The following ADAM23 variants were observed in gnomAD, a reference collection of about 807,000 sequenced individuals.
The protein encoded by ADAM23 is ADAM metallopeptidase domain 23.
ADAM23 carries 33 observed loss-of-function variants against 120.1 expected under a neutral mutation model. The observed-to-expected ratio is 0.27, with a 90% CI of 0.21 to 0.37. The LOEUF (loss-of-function observed/expected upper bound fraction) is 0.37, where lower values mean the gene tolerates loss of function less well. Among genes scored for constraint, ADAM23 ranks in the 10% least tolerant of loss-of-function variants. The probability of loss-of-function intolerance (pLI) is 1.00; values close to 1 mark genes in which losing one functional copy is unlikely to be tolerated. For synonymous variants in ADAM23, 367 were observed against 375.2 expected (o/e 0.98, Z 0.25); for missense variants, 862 against 1,058.2 (o/e 0.81, Z 2.57).
chr2:206,572,296 C>T (rs1698017109), intron 17 of ADAM23, among the ~76,000 whole-genome samples: 1 of 152,130 alleles, frequency 6.6e-6, no homozygotes. Flanking sequence ...TATGAATGCA[C>T]ACTCATATGT....
chr2:206,578,426 A>G (rs947111603), intron 18 of ADAM23, among the ~76,000 whole-genome samples: 2 of 151,680 alleles, frequency 1.3e-5, no homozygotes, highest in African/African-American at 4.9e-5. Context: ...TAGCTACCAC[A>G]TATCAGCGAG....
intron 10 of ADAM23, among the ~76,000 whole-genome samples, 168 bp downstream of exon 10, chr2:206,557,666 G>A (rs1486007871): frequency 6.6e-6 from 1 of 152,220 alleles, no homozygotes; most frequent in Non-Finnish European, 1.5e-5. Context: ...TGCTCTGAGA[G>A]TTTCAGATGA....
intron 6 of ADAM23, among the ~76,000 whole-genome samples, chr2:206,546,712 A>T (rs1472282642): frequency 6.6e-6 from 1 of 152,178 alleles, no homozygotes; most frequent in Admixed American, 6.5e-5. Context: ...ACAATGATGT[A>T]TCTCCCTGAG....
At chr2:206,552,036 C>T (rs1403518351) in intron 9 of ADAM23, among the ~76,000 whole-genome samples, 1 of 152,068 alleles carries the variant, frequency 6.6e-6, no homozygotes, top group African/African-American at 2.4e-5. Context: ...GTTTTTTTAT[C>T]TGAATTATTT....
rs140336696 is a variant in ADAM23 at position 206,566,316 on chromosome 2, A to G, written c.1395-907A>G. Reference sequence around the variant, plus strand: ...ATTTTTCTAAGAGGTTCCTATCAACAGTGGCAGGTTTCACCTACTTCTGTA... The same window carrying G: ...ATTTTTCTAAGAGGTTCCTATCAACGGTGGCAGGTTTCACCTACTTCTGTA... On this transcript the variant is annotated intron_variant, in intron 14 of 25. Transcript: ENST00000264377. Among the ~76,000 whole-genome samples the G allele has an allele frequency of 3.7e-3, 557 of 152,100 alleles. 6 individuals are homozygous for G. Among genetic ancestry groups the G allele is most frequent in the African/African-American group, 0.013 (526 of 41,516 alleles).
chr2:206,466,775 A>G (rs1445534511), intron 2 of ADAM23, among the ~76,000 whole-genome samples: 1 of 152,236 alleles, frequency 6.6e-6, no homozygotes, highest in Non-Finnish European at 1.5e-5. Flanking sequence ...TTAAACAACT[A>G]AATCTCATGA....
chr2:206,566,006 C>T (rs1196700166), intron 14 of ADAM23, among the ~76,000 whole-genome samples: 4 of 151,976 alleles, frequency 2.6e-5, no homozygotes, highest in Non-Finnish European at 5.9e-5. Flanking sequence ...AAACGTGAAA[C>T]CCTTAGCTTC....
intron 15 of ADAM23, among the ~76,000 whole-genome samples, chr2:206,569,322 A>G (rs1467924194): frequency 6.6e-6 from 1 of 152,190 alleles, no homozygotes; most frequent in African/African-American, 2.4e-5. Flanking sequence ...TAAATCATCT[A>G]TTTTTTAAAA....
intron 24 of ADAM23, among the ~76,000 whole-genome samples, chr2:206,609,221 C>CTATT (rs1559288275): frequency 6.6e-6 from 1 of 152,186 alleles, no homozygotes; most frequent in Non-Finnish European, 1.5e-5. Flanking sequence ...AACTTTAAAG[C>CTATT]TATTCTCAGT....
At chr2:206,474,926 C>CTAT (rs959745383) in intron 2 of ADAM23, among the ~76,000 whole-genome samples, 14 of 152,182 alleles carry the variant, frequency 9.2e-5, no homozygotes, top group Non-Finnish European at 2.1e-4. Context: ...TGTTGTTAAG[C>CTAT]TATTATTATT....
chr2:206,449,772 A>C (rs1695154433), intron 2 of ADAM23, among the ~76,000 whole-genome samples: 1 of 152,118 alleles, frequency 6.6e-6, no homozygotes, highest in Admixed American at 6.5e-5. Context: ...AAAAACAAAC[A>C]AACAAAAAAC....
Position 206,526,773 on chromosome 2 carries a change from C to T in ADAM23, c.510-4112C>T, listed in dbSNP as rs1230056268. ...ACAGCATTATTTCTGCCACAGTTCCCTTCATTGACCTGATTCTTGGCTCAT... is the reference window on the plus strand; with the variant it reads ...ACAGCATTATTTCTGCCACAGTTCCTTTCATTGACCTGATTCTTGGCTCAT... On this transcript the variant is annotated intron_variant, in intron 3 of 25. Transcript: ENST00000264377. Among the ~76,000 whole-genome samples, 4 of 152,218 alleles carry T rather than the reference C, an allele frequency of 2.6e-5. No homozygotes were observed. The East Asian group carries it at 7.7e-4, about 29-fold the overall frequency.
chr2:206,445,702 G>A (rs1695070247), intron 2 of ADAM23, among the ~76,000 whole-genome samples, 178 bp downstream of exon 2: 1 of 152,188 alleles, frequency 6.6e-6, no homozygotes, highest in Admixed American at 6.5e-5. Context: ...GGATAAGACT[G>A]TTGTTTCTCT....
intron 2 of ADAM23, among the ~76,000 whole-genome samples, chr2:206,470,311 G>GA (rs895220240): frequency 1.5e-4 from 23 of 149,984 alleles, no homozygotes; most frequent in Admixed American, 4.0e-4. Flanking sequence ...TTCACATTTA[G>GA]AAAAAAAAAT....
intron 3 of ADAM23, among the ~76,000 whole-genome samples, chr2:206,521,330 C>T (rs1265898021): frequency 2.0e-5 from 3 of 151,640 alleles, no homozygotes; most frequent in Non-Finnish European, 4.4e-5. Flanking sequence ...CTGCTGCTCC[C>T]TGCATGGTAG....
chr2:206,610,083 A>G, intron 25 of ADAM23, 83 bp downstream of exon 25: 1 of 1,249,594 alleles, frequency 8.0e-7, no homozygotes, highest in Non-Finnish European at 1.1e-6. Flanking sequence ...AGTTCCTGCT[A>G]CAAGAGCTTA....
intron 3 of ADAM23, among the ~76,000 whole-genome samples, chr2:206,517,357 A>G (rs1369696103): frequency 6.6e-6 from 1 of 152,158 alleles, no homozygotes; most frequent in Non-Finnish European, 1.5e-5. Flanking sequence ...CCTGGGGGCT[A>G]AGCCCTGCCT....
At chr2:206,444,639 A>G (rs1695038331) in intron 1 of ADAM23, among the ~76,000 whole-genome samples, 1 of 152,208 alleles carries the variant, frequency 6.6e-6, no homozygotes, top group Non-Finnish European at 1.5e-5. Flanking sequence ...CAATTAATAT[A>G]ATACCATCTT....
At chr2:206,571,153 C>T (rs1697987625) in intron 16 of ADAM23, among the ~76,000 whole-genome samples, 1 of 152,042 alleles carries the variant, frequency 6.6e-6, no homozygotes, top group Non-Finnish European at 1.5e-5. Context: ...TGTAGTGGAG[C>T]TAATTGGAGG....
Sources: gnomAD v4.1 joint callset for allele counts (sites outside exome capture counted in the v4.1 genomes callset) on GRCh38, gnomAD v4.1.1 for gene constraint, MANE v1.5 for transcripts, NCBI Gene and HGNC (gene_info 2026-07-23, HGNC 2026-07-21) for gene names.